PRAG1: variants seen among roughly 807,000 people sequenced by gnomAD.
PRAG1 encodes PEAK1 related, kinase-activating pseudokinase 1, also known as inactive tyrosine-protein kinase PRAG1.
PRAG1 carries 110 observed loss-of-function variants against 95.6 expected under a neutral mutation model. That is an observed-to-expected ratio of 1.15 (90% CI 0.99 to 1.35). The LOEUF is 1.35. Among genes scored for constraint, PRAG1 ranks in the 40% most tolerant of loss-of-function variants. The pLI, the probability that PRAG1 is intolerant of heterozygous loss-of-function variation, is 0.00. For synonymous variants in PRAG1, 1,052 were observed against 819.4 expected, an observed-to-expected ratio of 1.28 and a Z score of -4.85; for missense variants, 2,554 against 1,864.7, an observed-to-expected ratio of 1.37 and a Z score of -6.81.
chr8:8,338,479 A>G (rs1799061757), intron 4 of PRAG1, among the ~76,000 whole-genome samples: 1 of 152,216 alleles, frequency 6.6e-6, no homozygotes, highest in Non-Finnish European at 1.5e-5. Flanking sequence ...AATTTGTTAT[A>G]CAATGGGCTG....
chr8:8,351,136 T>A (rs957089914), intron 3 of PRAG1, among the ~76,000 whole-genome samples: 1 of 152,172 alleles, frequency 6.6e-6, no homozygotes, highest in Non-Finnish European at 1.5e-5. Context: ...AAGCAAGATG[T>A]TGGCGTATGG....
At chr8:8,326,056 G>T (rs1294108891) in intron 5 of PRAG1, among the ~76,000 whole-genome samples, 4 of 149,864 alleles carry the variant, frequency 2.7e-5, no homozygotes, top group Non-Finnish European at 5.9e-5. Flanking sequence ...CCTCAAAACA[G>T]AAAGGTCAGC....
intron 5 of PRAG1, among the ~76,000 whole-genome samples, chr8:8,323,508 T>C (rs1038406879): frequency 6.6e-6 from 1 of 152,064 alleles, no homozygotes; most frequent in Admixed American, 6.5e-5. Context: ...CATTTTTTAG[T>C]AGAGATGAAG....
At chr8:8,386,044 G>A (rs1304913436) in intron 1 of PRAG1, among the ~76,000 whole-genome samples, 1 of 152,194 alleles carries the variant, frequency 6.6e-6, no homozygotes, top group Non-Finnish European at 1.5e-5. Context: ...CCTCCCTCCT[G>A]GAACTCGTAG....
chr8:8,369,584 C>CAT (rs1441522262), intron 3 of PRAG1, among the ~76,000 whole-genome samples: 1 of 152,140 alleles, frequency 6.6e-6, no homozygotes, highest in Non-Finnish European at 1.5e-5. Flanking sequence ...ATTTAACAAA[C>CAT]ATTTCTTGAA....
intron 3 of PRAG1, among the ~76,000 whole-genome samples, chr8:8,373,121 T>C (rs544467608): frequency 6.6e-6 from 1 of 152,322 alleles, no homozygotes; most frequent in African/African-American, 2.4e-5. Context: ...CAGCCTGCCA[T>C]AATTACCAGT....
intron 3 of PRAG1, among the ~76,000 whole-genome samples, chr8:8,341,822 T>C (rs933632157): frequency 6.6e-6 from 1 of 152,186 alleles, no homozygotes; most frequent in Non-Finnish European, 1.5e-5. Context: ...AATTTGGATA[T>C]AAAGGTTAAA....
At chr8:8,349,131 G>A (rs1352055991) in intron 3 of PRAG1, among the ~76,000 whole-genome samples, 2 of 152,126 alleles carry the variant, frequency 1.3e-5, no homozygotes, top group Non-Finnish European at 2.9e-5. Flanking sequence ...TTTGCCATTA[G>A]TACAAAATAC....
rs1798376778 is a variant in PRAG1 at position 8,318,879 on chromosome 8, G to A, written c.3496C>T (p.Pro1166Ser). The change falls in exon 6 of 6, where the codon CCC (proline) becomes TCC (serine). Residue 1166 changes from proline to serine, a missense_variant. Transcript: ENST00000615670. The surrounding 1 kb of genome is among the most constrained non-coding windows in gnomAD (Gnocchi z 4.2). ...CTLQAGPGPA[P>S]APAPAPAPAA... ...GGGGCGGGAGCCGGGGCGGGGGCGGGGGCGGGCCCGGGGCCGGCCTGGAGG... is the reference window on the plus strand; with the variant it reads ...GGGGCGGGAGCCGGGGCGGGGGCGGAGGCGGGCCCGGGGCCGGCCTGGAGG... 7.2e-7 allele frequency: 1 copy of A among 1,387,804 alleles called. No homozygotes were observed. The highest frequency in any genetic ancestry group is 1.5e-5 in the African/African-American group (1 of 67,474). The allele number at this position is 1,387,804 out of a possible 1,614,324, so 86.0% of individuals were successfully genotyped here.
intron 4 of PRAG1, among the ~76,000 whole-genome samples, chr8:8,332,823 T>C (rs1798866437): frequency 6.6e-6 from 1 of 152,156 alleles, no homozygotes; most frequent in African/African-American, 2.4e-5. Context: ...TCTGGCTAAT[T>C]CTCTTGACTC....
chr8:8,335,324 A>C (rs2979222), intron 4 of PRAG1, among the ~76,000 whole-genome samples: 20,438 of 152,138 alleles, frequency 0.13, 1,632 homozygotes, highest in East Asian at 0.27. Flanking sequence ...ATAATGAAAA[A>C]TAAGCAGCAA....
At position 8,359,763 on chromosome 8, in the gene PRAG1, G is replaced by C. The variant is rs149550021; in HGVS notation, c.2162+16484C>G. Among the ~76,000 whole-genome samples the C allele has an allele frequency of 4.6e-3, 694 of 152,238 alleles. 13 individuals are homozygous for C. In the South Asian group the frequency reaches 0.056, roughly 12 times the overall value. ...CCTCAGTTTCCTTGACCAGACATCT[G>C]GATGTATGTATTTTTCATCTATCGC... On this transcript the variant is annotated intron_variant, in intron 3 of 5. Coordinates refer to ENST00000615670, the MANE Select transcript of PRAG1 (RefSeq NM_001080826.3).
intron 3 of PRAG1, among the ~76,000 whole-genome samples, chr8:8,367,851 C>A (rs1269538217): frequency 6.6e-6 from 1 of 152,164 alleles, no homozygotes; most frequent in Non-Finnish European, 1.5e-5. Context: ...CCACGTTAGC[C>A]AGGATGGTCT....
rs372346005 is a variant in PRAG1 at position 8,376,418 on chromosome 8, T to C, written c.1991A>G (p.Asp664Gly). 3 of 1,614,184 alleles carry C rather than the reference T, an allele frequency of 1.9e-6. No individual in the cohort carries two copies. The highest frequency in any genetic ancestry group is 8.5e-7 in the Non-Finnish European group (1 of 1,180,022). ...GTGCCAGGTCGTGGAGTTTGAATGGTCCGTGGGGCCATTTTTGGTCTCTCT... is the reference window on the plus strand; with the variant it reads ...GTGCCAGGTCGTGGAGTTTGAATGGCCCGTGGGGCCATTTTTGGTCTCTCT... Reference protein sequence around the residue: ...WGRETKNGPTDHSNSTTWHRL... With the variant: ...WGRETKNGPTGHSNSTTWHRL... Residue 664 changes from aspartate to glycine, a missense_variant, in exon 3 of 6, where the codon GAC becomes GGC. Physicochemically the swap from Asp to Gly is moderately conservative, Grantham distance 94. Coordinates refer to ENST00000615670, the MANE Select transcript of PRAG1 (RefSeq NM_001080826.3).
intron 3 of PRAG1, among the ~76,000 whole-genome samples, chr8:8,351,205 C>T (rs1336887491): frequency 6.6e-6 from 1 of 152,078 alleles, no homozygotes; most frequent in African/African-American, 2.4e-5. Context: ...AATGGGGAGT[C>T]AGCACTTCAC....
intron 3 of PRAG1, among the ~76,000 whole-genome samples, chr8:8,362,021 C>A (rs1799860959): frequency 6.6e-6 from 1 of 152,186 alleles, no homozygotes; most frequent in Non-Finnish European, 1.5e-5. Flanking sequence ...CTGTTTTTCC[C>A]TAGCTTGCTT....
chr8:8,341,131 A>G (rs1247837115), intron 3 of PRAG1, among the ~76,000 whole-genome samples: 2 of 152,188 alleles, frequency 1.3e-5, no homozygotes, highest in Admixed American at 6.5e-5. Context: ...GCTATCCCCT[A>G]CTTTGCCCCT....
chr8:8,327,948 A>C lies in PRAG1; in HGVS notation c.2834T>G (p.Ile945Ser). ...GGCATAGGTGCCCTCCTTGCTGCTG[A>C]TGTTGCTCAGGAGACCGTGCAGCTG... ...QLQLHGLLSN[I>S]SSKEGTYAKL... The change falls in exon 5 of 6, where the codon ATC (isoleucine) becomes AGC (serine). Residue 945 changes from isoleucine to serine, a missense_variant. Transcript: ENST00000615670. 6.2e-7 allele frequency: 1 copy of C among 1,612,318 alleles called. No individual in the cohort carries two copies. The highest frequency in any genetic ancestry group is 8.5e-7 in the Non-Finnish European group (1 of 1,178,924).
chr8:8,361,419 A>C (rs188237110), intron 3 of PRAG1, among the ~76,000 whole-genome samples: 9 of 152,294 alleles, frequency 5.9e-5, no homozygotes, highest in Non-Finnish European at 1.2e-4. Context: ...GGAAGGGGGT[A>C]CAGGGCAGCA....
Sources: allele counts gnomAD v4.1 joint callset (sites outside exome capture counted in the v4.1 genomes callset), GRCh38; gene constraint gnomAD v4.1.1; non-coding constraint Gnocchi (gnomAD v3.1); transcripts MANE v1.5; gene names NCBI Gene and HGNC (gene_info 2026-07-23, HGNC 2026-07-21).